Variants in SYN3 observed in about 807,000 individuals in gnomAD.
SYN3 encodes synapsin-3.
SYN3 carries 35 observed loss-of-function variants against 65.8 expected under a neutral mutation model. The ratio of observed to expected loss-of-function variants is 0.53; its 90% CI spans 0.41 to 0.70. The LOEUF (loss-of-function observed/expected upper bound fraction) is 0.70. Ranked by LOEUF, SYN3 falls within the 30% of genes least tolerant of loss-of-function variation. The pLI is 0.00. For synonymous variants in SYN3, 270 were observed against 292.9 expected (o/e 0.92, Z 0.80); for missense variants, 680 against 749.0 (o/e 0.91, Z 1.08).
intron 1 of SYN3, among the ~76,000 whole-genome samples, chr22:33,045,768 T>G (rs5754391): frequency 0.31 from 47,199 of 151,502 alleles, 7,451 homozygotes; most frequent in Admixed American, 0.34. Context: ...TTTAACCACT[T>G]CTCACTTCTT....
At chr22:32,618,123 G>A (rs142819582) in intron 6 of SYN3, among the ~76,000 whole-genome samples, 185 of 152,256 alleles carry the variant, frequency 1.2e-3, no homozygotes, top group Middle Eastern at 0.01. Flanking sequence ...ATACGGAAAT[G>A]TATAGCACAG....
At chr22:32,830,280 C>T (rs1486924827) in intron 6 of SYN3, among the ~76,000 whole-genome samples, 3 of 152,204 alleles carry the variant, frequency 2.0e-5, no homozygotes, top group Non-Finnish European at 4.4e-5. Context: ...GGTTACTTTG[C>T]ACCAGGCACT....
Position 32,669,716 on chromosome 22 carries a change from T to A in SYN3, c.712-72980A>T, listed in dbSNP as rs868359722. On this transcript the variant is annotated intron_variant, in intron 6 of 13. Coordinates refer to ENST00000358763, the MANE Select transcript of SYN3 (RefSeq NM_003490.4). The stretch of plus-strand genomic sequence containing the variant: ...AGAGTCAAAGCTGTATATTCCAGAC[T>A]GTTTTCAAATTAGTTGTGACCATAT... Among the ~76,000 whole-genome samples, 1,329 of 152,356 alleles carry A rather than the reference T, an allele frequency of 8.7e-3. 22 individuals are homozygous for A. Among genetic ancestry groups the A allele is most frequent in the African/African-American group, 0.031 (1,278 of 41,578 alleles).
intron 4 of SYN3, among the ~76,000 whole-genome samples, chr22:32,878,173 C>A (rs1291801057): frequency 6.6e-6 from 1 of 152,170 alleles, no homozygotes; most frequent in Non-Finnish European, 1.5e-5. Flanking sequence ...TCACCTCCAA[C>A]TCAATGTGAC....
intron 3 of SYN3, among the ~76,000 whole-genome samples, chr22:32,965,043 G>A (rs1407304732): frequency 6.6e-6 from 1 of 152,176 alleles, no homozygotes; most frequent in Non-Finnish European, 1.5e-5. Flanking sequence ...ATGGGCTCTG[G>A]AGCATCTGGG....
rs779256015 is a variant in SYN3, at chr22:32,511,813, T to C, written c.*1879A>G. 4.6e-5 allele frequency among the ~76,000 whole-genome samples: 7 copies of C among 152,210 alleles called. No homozygotes were observed. Among genetic ancestry groups the C allele is most frequent in the African/African-American group, 1.2e-4 (5 of 41,440 alleles). Reference sequence around the variant, plus strand: ...CTTATGTCAGGTCTGCTACTTATTATTGAATCCCAGACCAAGAGTCTTGAA... The same window carrying C: ...CTTATGTCAGGTCTGCTACTTATTACTGAATCCCAGACCAAGAGTCTTGAA... On this transcript the variant is annotated 3_prime_UTR_variant, in exon 14 of 14. Transcript: ENST00000358763.
chr22:32,716,045 G>A (rs1219809517), intron 6 of SYN3, among the ~76,000 whole-genome samples: 1 of 152,140 alleles, frequency 6.6e-6, no homozygotes, highest in Non-Finnish European at 1.5e-5. Context: ...AGGTTTTGAA[G>A]AAGATCAAAG....
At chr22:32,669,659 C>G (rs974250403) in intron 6 of SYN3, among the ~76,000 whole-genome samples, 6 of 152,210 alleles carry the variant, frequency 3.9e-5, no homozygotes, top group African/African-American at 1.2e-4. Flanking sequence ...GGTTAAAGAA[C>G]TCCTAATTTG....
chr22:32,918,992 C>A (rs535353043), intron 4 of SYN3, among the ~76,000 whole-genome samples: 10 of 152,334 alleles, frequency 6.6e-5, no homozygotes, highest in African/African-American at 2.4e-4. Flanking sequence ...GTCCTAGATG[C>A]TTTGTGAGCT....
intron 4 of SYN3, among the ~76,000 whole-genome samples, chr22:32,875,829 C>T (rs968506350): frequency 3.3e-5 from 5 of 152,128 alleles, no homozygotes; most frequent in African/African-American, 9.7e-5. Flanking sequence ...TGATTTCAGA[C>T]GTCTGGTCCC....
chr22:32,512,453 A>C lies in SYN3; in HGVS notation c.*1239T>G, dbSNP rs2057701289. 1 of 152,220 alleles carries C rather than the reference A, an allele frequency of 6.6e-6. No homozygotes were observed. The highest frequency in any genetic ancestry group is 1.5e-5 in the Non-Finnish European group (1 of 68,050). The allele number at this position is 152,220 out of a possible 1,614,324, so 9.4% of individuals were successfully genotyped here. A position where few individuals can be genotyped will look rare whatever the true frequency, so the allele number is the denominator to read the frequency against. The stretch of plus-strand genomic sequence containing the variant: ...TTTGGATCACCGCTGAACGCTGTCT[A>C]AGCATGAGAGGCAGACTGGTATAGG... On this transcript the variant is annotated 3_prime_UTR_variant, in exon 14 of 14. Coordinates refer to ENST00000358763, the MANE Select transcript of SYN3 (RefSeq NM_003490.4).
At position 32,509,799 on chromosome 22, in the gene SYN3, A is replaced by G. The variant is rs1454687383; in HGVS notation, c.*3893T>C. Among the ~76,000 whole-genome samples the G allele has an allele frequency of 6.6e-6, 1 of 152,028 alleles. No homozygotes were observed. Among genetic ancestry groups the G allele is most frequent in the Non-Finnish European group, 1.5e-5 (1 of 68,016 alleles). Reference sequence around the variant, plus strand: ...TAGCCAGGATGGTCTCGATCTCCTGACCTAGTCATCCGCCCACCTCGGCCT... The same window carrying G: ...TAGCCAGGATGGTCTCGATCTCCTGGCCTAGTCATCCGCCCACCTCGGCCT... On this transcript the variant is annotated 3_prime_UTR_variant, in exon 14 of 14. Coordinates refer to ENST00000358763, the MANE Select transcript of SYN3 (RefSeq NM_003490.4).
chr22:32,857,900 C>A, intron 6 of SYN3: 1 of 1,503,474 alleles, frequency 6.7e-7, no homozygotes, highest in South Asian at 1.1e-5. Flanking sequence ...AATCATGGGT[C>A]TGAAAAGTAC....
chr22:32,849,436 CCTT>C lies in SYN3; in HGVS notation c.711+15476_711+15478del, dbSNP rs769797991. The C allele has an allele frequency of 6.2e-6, 10 of 1,612,342 alleles. No homozygotes were observed. The African/African-American group carries it at 1.3e-4, about 22-fold the overall frequency. On this transcript the variant is annotated intron_variant, in intron 6 of 13. Coordinates refer to ENST00000358763, the MANE Select transcript of SYN3 (RefSeq NM_003490.4). ...AGGCCTTCCTAACCTCTTATTGTCT[CCTT>C]CTGTCTCTGCAGTGATCCGGGCCAA... is the stretch of plus-strand genomic sequence containing the variant.
intron 4 of SYN3, among the ~76,000 whole-genome samples, chr22:32,890,855 T>A (rs1348297404): frequency 1.3e-5 from 2 of 152,152 alleles, no homozygotes; most frequent in African/African-American, 4.8e-5. Context: ...GGATGCTCAT[T>A]TGGCTGGCAC....
chr22:32,855,755 A>G (rs2048346055), intron 6 of SYN3, among the ~76,000 whole-genome samples: 1 of 152,216 alleles, frequency 6.6e-6, no homozygotes, highest in Admixed American at 6.5e-5. Context: ...TGTGACAACC[A>G]AAATTGTCTC....
intron 7 of SYN3, among the ~76,000 whole-genome samples, chr22:32,584,376 A>G (rs2058992734): frequency 6.6e-6 from 1 of 152,258 alleles, no homozygotes; most frequent in African/African-American, 2.4e-5. Context: ...GCTTTTGGTG[A>G]TTGGAGTGCG....
At chr22:32,802,318 A>T (rs1278098815) in intron 6 of SYN3, among the ~76,000 whole-genome samples, 18 of 152,154 alleles carry the variant, frequency 1.2e-4, no homozygotes, top group Non-Finnish European at 4.4e-5. Context: ...CCTGCAGAGG[A>T]AACTCACAGT....
intron 6 of SYN3, among the ~76,000 whole-genome samples, chr22:32,748,671 C>T (rs897274058): frequency 1.3e-5 from 2 of 152,154 alleles, no homozygotes; most frequent in African/African-American, 4.8e-5. Flanking sequence ...TGCTAAGTGC[C>T]CTTGCCAATC....
Sources: gnomAD v4.1 joint callset for allele counts (sites outside exome capture counted in the v4.1 genomes callset) on GRCh38, gnomAD v4.1.1 for gene constraint, MANE v1.5 for transcripts, NCBI Gene and HGNC (gene_info 2026-07-23, HGNC 2026-07-21) for gene names.